The following SLC38A10 variants were observed in gnomAD, a reference collection of about 807,000 sequenced individuals.
SLC38A10 encodes the protein Sodium-coupled neutral amino acid transporter 10.
A neutral mutation model predicts 81.0 loss-of-function variants in SLC38A10; 53 were observed. The observed-to-expected ratio is 0.65, with a 90% CI of 0.53 to 0.82. SLC38A10 has a LOEUF of 0.82. SLC38A10 is among the 40% of genes least tolerant of loss of function. SLC38A10 has a pLI of 0.00. For synonymous variants in SLC38A10, 665 were observed against 655.3 expected, an observed-to-expected ratio of 1.01 and a Z score of -0.23; for missense variants, 1,471 against 1,545.0, an observed-to-expected ratio of 0.95 and a Z score of 0.80.
At chr17:81,274,362 C>G (rs1567940055) in intron 8 of SLC38A10, among the ~76,000 whole-genome samples, 1 of 152,240 alleles carries the variant, frequency 6.6e-6, no homozygotes, top group Non-Finnish European at 1.5e-5. Context: ...GCCACATGGA[C>G]AGTGAGCCAA....
chr17:81,289,894 C>G lies in SLC38A10; in HGVS notation c.100-86G>C. ...CCCACACACGCGGCTCATGAGGACC[C>G]TCTTCACCCCCAGGCCCCGCTCCAT... is the stretch of plus-strand genomic sequence containing the variant. On this transcript the variant is annotated intron_variant, in intron 1 of 15. Coordinates refer to ENST00000374759, the MANE Select transcript of SLC38A10 (RefSeq NM_001037984.3). The surrounding 1 kb of genome is among the most constrained non-coding windows in gnomAD (Gnocchi z 5.9). 1.8e-6 allele frequency: 2 copies of G among 1,089,060 alleles called. No homozygotes were observed. The highest frequency in any genetic ancestry group is 1.6e-5 in the African/African-American group (1 of 62,310). 67.5% of individuals were successfully genotyped at this position (1,089,060 alleles called of 1,614,324 possible).
At chr17:81,246,781 C>CA in intron 15 of SLC38A10, 104 bp downstream of exon 15, 2 of 1,498,782 alleles carry the variant, frequency 1.3e-6, no homozygotes, top group South Asian at 1.4e-5. Context: ...AAACCAGACT[C>CA]ACGCTCAGGT....
chr17:81,254,801 T>C (rs1464175320), intron 11 of SLC38A10, among the ~76,000 whole-genome samples: 1 of 152,232 alleles, frequency 6.6e-6, no homozygotes, highest in Non-Finnish European at 1.5e-5. Context: ...GAAAACATAC[T>C]GGTCTCCATC....
rs1320687422 is a variant in SLC38A10 at position 81,246,689 on chromosome 17, G to T, written c.2243-16C>A. On this transcript the variant is annotated splice_polypyrimidine_tract_variant and intron_variant, in intron 15 of 15. Coordinates refer to ENST00000374759, the MANE Select transcript of SLC38A10 (RefSeq NM_001037984.3). ...TGCACCTCCACTGCAAATGAAGTCG[G>T]TCATCAATTTAGCCACAGCACTGTA... The T allele has an allele frequency of 3.3e-6, 5 of 1,501,982 alleles. No individual in the cohort carries two copies. Among genetic ancestry groups the T allele is most frequent in the East Asian group, 2.3e-5 (1 of 42,982 alleles). 93.0% of individuals were successfully genotyped at this position (1,501,982 alleles called of 1,614,324 possible). A position where few individuals can be genotyped will look rare whatever the true frequency, so the allele number is the denominator to read the frequency against.
chr17:81,285,271 G>A (rs1804973493), intron 2 of SLC38A10: 1 of 192,714 alleles, frequency 5.2e-6, no homozygotes, highest in Non-Finnish European at 1.1e-5. Context: ...GCCAGAGCTT[G>A]CAGGTCCCCA....
intron 14 of SLC38A10, chr17:81,250,734 C>A: frequency 1.3e-6 from 1 of 769,452 alleles, no homozygotes; most frequent in Non-Finnish European, 1.6e-6. Flanking sequence ...GGCGGGTGGA[C>A]CCCTAGCCTG....
At chr17:81,292,276 G>A (rs751618094) in intron 1 of SLC38A10, among the ~76,000 whole-genome samples, 8 of 151,996 alleles carry the variant, frequency 5.3e-5, no homozygotes, top group African/African-American at 9.7e-5. Context: ...ACAGGCGCCT[G>A]ACATCGCGCA....
chr17:81,252,055 C>T (rs2062920361), intron 13 of SLC38A10, 140 bp downstream of exon 13: 1 of 1,253,958 alleles, frequency 8.0e-7, no homozygotes, highest in Admixed American at 2.6e-5. Flanking sequence ...GCTGCCGGGG[C>T]CCGCTCCATT....
chr17:81,291,963 C>T (rs2063314343), intron 1 of SLC38A10, among the ~76,000 whole-genome samples: 2 of 152,090 alleles, frequency 1.3e-5, no homozygotes, highest in African/African-American at 2.4e-5. Context: ...AGAGTACGCT[C>T]CTTAATTTGG....
Position 81,277,252 on chromosome 17 carries a change from T to A in SLC38A10, c.627-119A>T. On this transcript the variant is annotated intron_variant, in intron 6 of 15. Transcript: ENST00000374759. The surrounding 1 kb of genome is among the most constrained non-coding windows in gnomAD (Gnocchi z 4.5). Reference sequence around the variant, plus strand: ...GTCTCTGACCTTCCTTCATGCAACATTCTCTGCACACTGGAAGTCCCAGCG... The same window carrying A: ...GTCTCTGACCTTCCTTCATGCAACAATCTCTGCACACTGGAAGTCCCAGCG... 1.2e-6 allele frequency: 1 copy of A among 841,948 alleles called. No individual in the cohort carries two copies. Among genetic ancestry groups the A allele is most frequent in the South Asian group, 1.5e-5 (1 of 67,140 alleles). 52.2% of individuals were successfully genotyped at this position (841,948 alleles called of 1,614,324 possible). A position where few individuals can be genotyped will look rare whatever the true frequency, so the allele number is the denominator to read the frequency against.
chr17:81,280,247 T>C (rs1035771100), intron 6 of SLC38A10: 14 of 434,032 alleles, frequency 3.2e-5, no homozygotes, highest in African/African-American at 2.2e-4. Context: ...GTTTGTGCCA[T>C]TTCCTTTTAA....
intron 10 of SLC38A10, among the ~76,000 whole-genome samples, chr17:81,261,752 G>A (rs1290697453): frequency 2.0e-5 from 3 of 152,228 alleles, no homozygotes; most frequent in Non-Finnish European, 2.9e-5. Flanking sequence ...AAGGGAGCCC[G>A]GCCGCAATGT....
chr17:81,250,833 G>A lies in SLC38A10; in HGVS notation c.2065+660C>T, dbSNP rs190975573. 3.9e-5 allele frequency: 39 copies of A among 1,011,846 alleles called. No homozygotes were observed. In the East Asian group the frequency reaches 1.2e-3, roughly 31 times the overall value. 62.7% of individuals were successfully genotyped at this position (1,011,846 alleles called of 1,614,324 possible). On this transcript the variant is annotated intron_variant, in intron 14 of 15. Coordinates refer to ENST00000374759, the MANE Select transcript of SLC38A10 (RefSeq NM_001037984.3). Reference sequence around the variant, plus strand: ...CTGCATGAGGCCACAAGGAGGGGTCGCAAAAAGCCAACAGCTGAGACCCAA... The same window carrying A: ...CTGCATGAGGCCACAAGGAGGGGTCACAAAAAGCCAACAGCTGAGACCCAA...
In SLC38A10 at chr17:81,255,137, C is replaced by T. The variant is rs555952228; in HGVS notation, c.1289-1897G>A. Among the ~76,000 whole-genome samples, 6 of 152,344 alleles carry T rather than the reference C, an allele frequency of 3.9e-5. No individual in the cohort carries two copies. In the South Asian group the frequency reaches 6.2e-4, roughly 16 times the overall value. The stretch of plus-strand genomic sequence containing the variant: ...CCAGAGGTCCCTTTGGAGAACCTCC[C>T]GGGAACGCCACGCCTCTCAGCGTTC... On this transcript the variant is annotated intron_variant, in intron 11 of 15. Transcript: ENST00000374759.
chr17:81,245,395 G>C lies in SLC38A10; in HGVS notation c.*161C>G, dbSNP rs2062838573. 2 of 878,976 alleles carry C rather than the reference G, an allele frequency of 2.3e-6. No individual in the cohort carries two copies. The highest frequency in any genetic ancestry group is 2.7e-5 in the Admixed American group (1 of 36,762). 54.4% of individuals were successfully genotyped at this position (878,976 alleles called of 1,614,324 possible). On this transcript the variant is annotated 3_prime_UTR_variant, in exon 16 of 16. Transcript: ENST00000374759. Reference sequence around the variant, plus strand: ...AACATTCTGGAAACGATGCCACAGTGAATCTTTTATACTGTCACTCACACT... The same window carrying C: ...AACATTCTGGAAACGATGCCACAGTCAATCTTTTATACTGTCACTCACACT...
chr17:81,245,381 A>G lies in SLC38A10; in HGVS notation c.*175T>C. The G allele has an allele frequency of 1.3e-6, 1 of 779,806 alleles. No individual in the cohort carries two copies. The highest frequency in any genetic ancestry group is 2.0e-6 in the Non-Finnish European group (1 of 509,572). 48.3% of individuals were successfully genotyped at this position (779,806 alleles called of 1,614,324 possible). A position where few individuals can be genotyped will look rare whatever the true frequency, so the allele number is the denominator to read the frequency against. On this transcript the variant is annotated 3_prime_UTR_variant, in exon 16 of 16. Coordinates refer to ENST00000374759, the MANE Select transcript of SLC38A10 (RefSeq NM_001037984.3). Reference sequence around the variant, plus strand: ...AGAACGACAGCAAGAACATTCTGGAAACGATGCCACAGTGAATCTTTTATA... The same window carrying G: ...AGAACGACAGCAAGAACATTCTGGAGACGATGCCACAGTGAATCTTTTATA...
rs145662017 is a variant in SLC38A10 at position 81,280,730 on chromosome 17, C to G, written c.505G>C (p.Val169Leu). Residue 169 changes from valine to leucine, a missense_variant, in exon 6 of 16, where the codon GTG (valine) becomes CTG (leucine). Val to Leu is a conservative substitution (Grantham distance 32). This residue lies in a region of SLC38A10 where 720 missense variants were observed against 827.7 expected (regional missense o/e 0.87). Transcript: ENST00000374759. ...AGGCCGTGCTTGAGAGAGGAGAGCACGATCTGCAGAGGGAGAGGGGAGAGA... is the reference window on the plus strand; with the variant it reads ...AGGCCGTGCTTGAGAGAGGAGAGCAGGATCTGCAGAGGGAGAGGGGAGAGA... ...LFYTVFMFVI[V>L]LSSLKHGLFS... The G allele has an allele frequency of 6.2e-7, 1 of 1,611,668 alleles. No individual in the cohort carries two copies. Among genetic ancestry groups the G allele is most frequent in the Non-Finnish European group, 8.5e-7 (1 of 1,178,798 alleles).
Position 81,288,651 on chromosome 17 carries a change from T to C in SLC38A10, c.217+1040A>G, listed in dbSNP as rs12103824. 0.18 allele frequency: 27,751 copies of C among 152,214 alleles called. 3,185 individuals carry two copies. Among genetic ancestry groups the C allele is most frequent in the African/African-American group, 0.32 (13,240 of 41,488 alleles). The allele number at this position is 152,214 out of a possible 1,614,324, so 9.4% of individuals were successfully genotyped here. A position where few individuals can be genotyped will look rare whatever the true frequency, so the allele number is the denominator to read the frequency against. On this transcript the variant is annotated intron_variant, in intron 2 of 15. Transcript: ENST00000374759. This position sits in a 1 kb window ranked among gnomAD's most constrained non-coding sequence, Gnocchi z 5.4. The stretch of plus-strand genomic sequence containing the variant: ...ATGAAGCAGAAAGCGCAGCCTTCTC[T>C]CCTGGCTGAAACAGCATTAAAGCAA...
chr17:81,247,189 C>T, intron 14 of SLC38A10, 128 bp from the exon 15 acceptor site: 1 of 922,872 alleles, frequency 1.1e-6, no homozygotes, highest in Non-Finnish European at 1.6e-6. Flanking sequence ...ACACTGGCCA[C>T]TGGTGACACC....
Sources: allele counts gnomAD v4.1 joint callset (sites outside exome capture counted in the v4.1 genomes callset), GRCh38; gene constraint gnomAD v4.1.1; regional missense constraint gnomAD v4.1.1; non-coding constraint Gnocchi (gnomAD v3.1); transcripts MANE v1.5; gene names NCBI Gene and HGNC (gene_info 2026-07-23, HGNC 2026-07-21).